APBB2: variants seen among roughly 807,000 people sequenced by gnomAD.
The protein encoded by APBB2 is Fe65-like 1.
A neutral mutation model predicts 82.5 loss-of-function variants in APBB2; 38 were observed. The observed-to-expected ratio is 0.46, with a 90% CI of 0.36 to 0.60. The LOEUF (loss-of-function observed/expected upper bound fraction) is 0.60. Ranked by LOEUF, APBB2 falls within the 20% of genes least tolerant of loss-of-function variation. The pLI is 0.00. For synonymous variants in APBB2, 341 were observed against 368.2 expected (o/e 0.93, Z 0.85); for missense variants, 772 against 972.3 (o/e 0.79, Z 2.74).
At chr4:40,946,682 G>C (rs2154381535) in intron 6 of APBB2, among the ~76,000 whole-genome samples, 1 of 152,124 alleles carries the variant, frequency 6.6e-6, no homozygotes, top group South Asian at 2.1e-4. Flanking sequence ...ATCAATGTAT[G>C]TAGGAAGAAA....
chr4:41,047,747 G>T (rs1185575349), intron 4 of APBB2, among the ~76,000 whole-genome samples: 2 of 152,200 alleles, frequency 1.3e-5, no homozygotes, highest in Admixed American at 6.5e-5. Flanking sequence ...TAGAAAGTGG[G>T]ATGAAGCTGG....
At chr4:41,156,703 A>G (rs1763535769) in intron 1 of APBB2, among the ~76,000 whole-genome samples, 1 of 152,160 alleles carries the variant, frequency 6.6e-6, no homozygotes, top group Non-Finnish European at 1.5e-5. Context: ...TCAAATCCTG[A>G]ATACGTTCCT....
rs1749815574 is a variant in APBB2 at position 40,826,031 on chromosome 4, C to A, written c.1733-61G>T. ...GTTCCAACACACATGTACACAACAGCCGTGGCTCTGCATCATCTGAATGCT... is the reference window on the plus strand; with the variant it reads ...GTTCCAACACACATGTACACAACAGACGTGGCTCTGCATCATCTGAATGCT... On this transcript the variant is annotated intron_variant, in intron 14 of 17. Transcript: ENST00000508593. The surrounding 1 kb of genome is among the most constrained non-coding windows in gnomAD (Gnocchi z 4.5). The A allele has an allele frequency of 7.6e-7, 1 of 1,314,456 alleles. No homozygotes were observed. The highest frequency in any genetic ancestry group is 1.1e-6 in the Non-Finnish European group (1 of 907,158). The allele number at this position is 1,314,456 out of a possible 1,614,324, so 81.4% of individuals were successfully genotyped here. A position where few individuals can be genotyped will look rare whatever the true frequency, so the allele number is the denominator to read the frequency against.
At chr4:40,934,981 A>G in intron 8 of APBB2, 96 bp downstream of exon 8, 2 of 1,043,456 alleles carry the variant, frequency 1.9e-6, no homozygotes, top group Non-Finnish European at 2.8e-6. Flanking sequence ...GTGTCCCTGC[A>G]GAATGCATGA....
At chr4:40,905,541 G>A (rs1776475852) in intron 10 of APBB2, among the ~76,000 whole-genome samples, 2 of 152,078 alleles carry the variant, frequency 1.3e-5, no homozygotes, top group African/African-American at 2.4e-5. Flanking sequence ...TTCTCCCCTG[G>A]GCCATTCCCA....
At chr4:40,848,400 A>AGGT (rs1202479312) in intron 12 of APBB2, among the ~76,000 whole-genome samples, 2 of 152,192 alleles carry the variant, frequency 1.3e-5, no homozygotes, top group African/African-American at 4.8e-5. Flanking sequence ...CACAGCTAGC[A>AGGT]GGTGGTAGAT....
intron 12 of APBB2, among the ~76,000 whole-genome samples, chr4:40,839,610 T>C (rs1429023034): frequency 6.6e-6 from 1 of 152,012 alleles, no homozygotes; most frequent in Non-Finnish European, 1.5e-5. Flanking sequence ...GAAAAAGAAG[T>C]CAAACAAAAA....
At position 41,013,628 on chromosome 4, in the gene APBB2, T is replaced by C; in HGVS notation, c.790A>G (p.Thr264Ala). ...APSDEESSWT[T>A]LSQDSASPSS... ...GGTGAGGCACTGTCTTGGGACAACG[T>C]TGTCCAGCTGGACTCCTCATCGCTC... Residue 264 changes from threonine to alanine, a missense_variant, in exon 6 of 18, where the codon ACG (threonine) becomes GCG (alanine). Physicochemically the swap from Thr to Ala is moderately conservative, Grantham distance 58. Coordinates refer to ENST00000508593, the MANE Select transcript of APBB2 (RefSeq NM_004307.2). 3 of 1,614,222 alleles carry C rather than the reference T, an allele frequency of 1.9e-6. No homozygotes were observed. The highest frequency in any genetic ancestry group is 2.5e-6 in the Non-Finnish European group (3 of 1,180,038).
intron 1 of APBB2, among the ~76,000 whole-genome samples, chr4:41,179,068 GCA>G (rs148197079): frequency 0.019 from 2,932 of 152,268 alleles, 88 homozygotes; most frequent in African/African-American, 0.068. Flanking sequence ...CACGTCTATT[GCA>G]CAGACATCCA....
At chr4:40,912,779 C>T (rs1043315937) in intron 10 of APBB2, among the ~76,000 whole-genome samples, 5 of 152,120 alleles carry the variant, frequency 3.3e-5, no homozygotes, top group South Asian at 2.1e-4. Flanking sequence ...CCCACCTTCT[C>T]GGAGTCTGAG....
At chr4:41,166,573 C>CA (rs775152652) in intron 1 of APBB2, among the ~76,000 whole-genome samples, 4,863 of 107,170 alleles carry the variant, frequency 0.045, 241 homozygotes, top group African/African-American at 0.14. Flanking sequence ...GCGAGACTGT[C>CA]AAAAAAAAAA....
At chr4:41,075,013 G>T (rs931410866) in intron 3 of APBB2, among the ~76,000 whole-genome samples, 2 of 152,074 alleles carry the variant, frequency 1.3e-5, no homozygotes, top group Non-Finnish European at 2.9e-5. Context: ...CGTGTCTGTA[G>T]TCCCAGCTAC....
intron 6 of APBB2, among the ~76,000 whole-genome samples, chr4:40,945,912 C>T (rs1363114750): frequency 6.6e-6 from 1 of 152,214 alleles, no homozygotes; most frequent in African/African-American, 2.4e-5. Flanking sequence ...CTGGCCAATA[C>T]TCTAGAATTC....
chr4:41,182,851 C>T (rs1244483908), intron 1 of APBB2, among the ~76,000 whole-genome samples: 1 of 152,120 alleles, frequency 6.6e-6, no homozygotes, highest in East Asian at 1.9e-4. Flanking sequence ...GAAACCACCC[C>T]CATGATTCAA....
At chr4:41,121,637 C>G (rs886697299) in intron 2 of APBB2, among the ~76,000 whole-genome samples, 1 of 152,218 alleles carries the variant, frequency 6.6e-6, no homozygotes, top group African/African-American at 2.4e-5. Flanking sequence ...ACCCATTTAA[C>G]AACAGGCTGT....
intron 12 of APBB2, among the ~76,000 whole-genome samples, chr4:40,842,987 G>C (rs1756355110): frequency 1.3e-5 from 2 of 152,152 alleles, no homozygotes; most frequent in Admixed American, 6.6e-5. Context: ...AACGGAGAGA[G>C]GAACACAGTG....
At chr4:41,052,921 A>G (rs559508279) in intron 4 of APBB2, among the ~76,000 whole-genome samples, 5 of 151,942 alleles carry the variant, frequency 3.3e-5, no homozygotes, top group Admixed American at 1.3e-4. Flanking sequence ...CAGCCACTGC[A>G]CTGGGCCAAT....
chr4:40,984,795 T>C (rs1203810413), intron 6 of APBB2, among the ~76,000 whole-genome samples: 1 of 152,224 alleles, frequency 6.6e-6, no homozygotes, highest in East Asian at 1.9e-4. Context: ...ACCCCAGTTC[T>C]CATGTTGTGG....
At chr4:40,999,499 C>G (rs1042263565) in intron 6 of APBB2, among the ~76,000 whole-genome samples, 7 of 152,170 alleles carry the variant, frequency 4.6e-5, no homozygotes, top group African/African-American at 9.6e-5. Context: ...TTATTCTAGG[C>G]ACTAAGGATA....
Sources: gnomAD v4.1 joint callset for allele counts (sites outside exome capture counted in the v4.1 genomes callset) on GRCh38, gnomAD v4.1.1 for gene constraint, Gnocchi (gnomAD v3.1) non-coding constraint, MANE v1.5 for transcripts, NCBI Gene and HGNC (gene_info 2026-07-23, HGNC 2026-07-21) for gene names.